The following ASCC3 variants were observed in gnomAD, a reference collection of about 807,000 sequenced individuals.
ASCC3 encodes activating signal cointegrator 1 complex subunit 3.
A neutral mutation model predicts 256.3 loss-of-function variants in ASCC3; 158 were observed. The observed-to-expected ratio is 0.62, with a 90% CI of 0.54 to 0.70. ASCC3 has a LOEUF of 0.70. Among genes scored for constraint, ASCC3 ranks in the 30% least tolerant of loss-of-function variants. ASCC3 has a pLI of 0.00. For missense variants in ASCC3, 2,259 were observed against 2,626.0 expected (o/e 0.86, Z 3.05); for synonymous variants, 948 against 883.4 (o/e 1.07, Z -1.30).
rs1330457623 is a variant in ASCC3 at position 100,627,887 on chromosome 6, T to C, written c.4476A>G (p.Ala1492=). The C allele has an allele frequency of 2.5e-6, 4 of 1,613,644 alleles. No homozygotes were observed. The highest frequency in any genetic ancestry group is 1.7e-5 in the Admixed American group (1 of 59,892). Residue 1492 remains alanine, a synonymous_variant, in exon 28 of 42, where the codon GCA becomes GCG. Transcript: ENST00000369162. ...CAGCAAGGTCTCTGGCATTAGCTAA[T>C]GCAGTAGATAGTCCAACTATTCTAA... ...KPVRIVGLST[A]LANARDLADW...
chr6:100,613,503 G>T (rs547968881), intron 30 of ASCC3, among the ~76,000 whole-genome samples: 1 of 151,994 alleles, frequency 6.6e-6, no homozygotes, highest in South Asian at 2.1e-4. Flanking sequence ...TGGCTGAATA[G>T]TATTCTATTT....
At chr6:100,749,154 G>C (rs751317240) in intron 10 of ASCC3, among the ~76,000 whole-genome samples, 1 of 151,856 alleles carries the variant, frequency 6.6e-6, no homozygotes, top group South Asian at 2.1e-4. Flanking sequence ...CCTCTTCCCC[G>C]TCAAACAGTG....
At chr6:100,661,027 G>A (rs1397269281) in intron 16 of ASCC3, among the ~76,000 whole-genome samples, 1 of 151,486 alleles carries the variant, frequency 6.6e-6, no homozygotes, top group Non-Finnish European at 1.5e-5. Flanking sequence ...CCTAATATAG[G>A]ACTTTGTACA....
intron 30 of ASCC3, among the ~76,000 whole-genome samples, chr6:100,620,196 C>T (rs1313303726): frequency 6.6e-6 from 1 of 152,126 alleles, no homozygotes; most frequent in Non-Finnish European, 1.5e-5. Flanking sequence ...CTCTTTCTAT[C>T]TTGACTTGAA....
chr6:100,580,120 C>T (rs1397603166), intron 36 of ASCC3, among the ~76,000 whole-genome samples: 1 of 151,976 alleles, frequency 6.6e-6, no homozygotes, highest in African/African-American at 2.4e-5. Flanking sequence ...TGACTTGGCT[C>T]TCAGCTTGAA....
chr6:100,542,537 C>T (rs970923018), intron 36 of ASCC3, among the ~76,000 whole-genome samples: 3 of 152,042 alleles, frequency 2.0e-5, no homozygotes, highest in African/African-American at 7.2e-5. Context: ...AATGAATTAG[C>T]TGGGCATGGT....
intron 15 of ASCC3, 32 bp from the exon 16 acceptor site, chr6:100,662,062 T>C: frequency 6.4e-7 from 1 of 1,571,132 alleles, no homozygotes; most frequent in Non-Finnish European, 8.8e-7. Context: ...AAAATTTACA[T>C]AAACACACAC....
chr6:100,666,659 A>T (rs1415411452), intron 14 of ASCC3, among the ~76,000 whole-genome samples: 1 of 152,128 alleles, frequency 6.6e-6, no homozygotes, highest in Non-Finnish European at 1.5e-5. Flanking sequence ...ACAAAAGTAT[A>T]AGGAGCGAGT....
chr6:100,608,944 T>G (rs1308429707), intron 30 of ASCC3, among the ~76,000 whole-genome samples: 1 of 148,200 alleles, frequency 6.7e-6, no homozygotes. Flanking sequence ...TTTGTATTTT[T>G]AGTAGAGACG....
intron 34 of ASCC3, among the ~76,000 whole-genome samples, chr6:100,595,768 G>A (rs571484721): frequency 6.6e-6 from 1 of 152,098 alleles, no homozygotes; most frequent in East Asian, 1.9e-4. Flanking sequence ...TATAAAATGA[G>A]GATCATAACA....
In ASCC3 at chr6:100,789,839, C is replaced by T. The variant is rs1010512475; in HGVS notation, c.1395+8874G>A. Among the ~76,000 whole-genome samples the T allele has an allele frequency of 1.1e-4, 17 of 151,892 alleles. No individual in the cohort carries two copies. The East Asian group carries it at 3.3e-3, about 29-fold the overall frequency. Reference sequence around the variant, plus strand: ...TGAGATCCCTTTATACACTGATTCCCTGGTACATTTAAAATTTACCAAAAT... The same window carrying T: ...TGAGATCCCTTTATACACTGATTCCTTGGTACATTTAAAATTTACCAAAAT... On this transcript the variant is annotated intron_variant, in intron 8 of 41. Coordinates refer to ENST00000369162, the MANE Select transcript of ASCC3 (RefSeq NM_006828.4).
In ASCC3 at chr6:100,512,853, A is replaced by C; in HGVS notation, c.6141T>G (p.Asp2047Glu). Residue 2047 changes from aspartate (D) to glutamate (E), a missense_variant, in exon 40 of 42, where the codon GAT becomes GAG. Physicochemically the swap from Asp to Glu is conservative, Grantham distance 45. This residue lies in a region of ASCC3 where 1,839 missense variants were observed against 2,206.7 expected (regional missense o/e 0.83). Transcript: ENST00000369162. ...GTTCATTATGTCCTTCAACTAAGTC[A>C]TCCCACGAGCCTTTAACACTTATGC... ...NVGISVKGSW[D>E]DLVEGHNELS... 3.7e-6 allele frequency: 6 copies of C among 1,614,142 alleles called. No individual in the cohort carries two copies. Among genetic ancestry groups the C allele is most frequent in the African/African-American group, 1.3e-5 (1 of 75,060 alleles).
chr6:100,585,449 C>G (rs1771597489), intron 36 of ASCC3, among the ~76,000 whole-genome samples: 1 of 152,174 alleles, frequency 6.6e-6, no homozygotes, highest in Non-Finnish European at 1.5e-5. Flanking sequence ...TTAAGCACTT[C>G]TCTGTATTGG....
intron 10 of ASCC3, among the ~76,000 whole-genome samples, chr6:100,736,644 T>C (rs1780183458): frequency 6.6e-6 from 1 of 152,198 alleles, no homozygotes; most frequent in Admixed American, 6.5e-5. Context: ...GCACATTTAC[T>C]ACATCTTGCA....
In ASCC3 at chr6:100,625,219, C is replaced by A; in HGVS notation, c.4758G>T (p.Lys1586Asn). 6.2e-7 allele frequency: 1 copy of A among 1,612,854 alleles called. No homozygotes were observed. Among genetic ancestry groups the A allele is most frequent in the South Asian group, 1.1e-5 (1 of 91,054 alleles). Residue 1586 changes from lysine (K) to asparagine (N), a missense_variant, in exon 30 of 42, where the codon AAG becomes AAT. Around this residue, in one of 2 missense-constraint regions of ASCC3, gnomAD observed 1,839 missense variants for 2,206.7 expected, o/e 0.83. Coordinates refer to ENST00000369162, the MANE Select transcript of ASCC3 (RefSeq NM_006828.4). Reference sequence around the variant, plus strand: ...CTCTTTCATCCATGTTTAACCACTGCTTTGGATCTTCTTCAGTAGCCAGGA... The same window carrying A: ...CTCTTTCATCCATGTTTAACCACTGATTTGGATCTTCTTCAGTAGCCAGGA... The part of the protein sequence containing the change: ...IAFLATEEDP[K>N]QWLNMDEREM...
intron 40 of ASCC3, among the ~76,000 whole-genome samples, chr6:100,511,988 T>C (rs145999835): frequency 6.6e-6 from 1 of 152,352 alleles, no homozygotes; most frequent in East Asian, 1.9e-4. Context: ...TTCTTTCTTA[T>C]TTTAATTATT....
intron 10 of ASCC3, among the ~76,000 whole-genome samples, chr6:100,746,421 TG>T (rs545281030): frequency 3.9e-4 from 60 of 152,236 alleles, no homozygotes; most frequent in African/African-American, 1.2e-3. Flanking sequence ...GAAAACAAAA[TG>T]AAAAGTGTTT....
At chr6:100,634,870 A>AAAC (rs1774756091) in intron 25 of ASCC3, among the ~76,000 whole-genome samples, 1 of 65,606 alleles carries the variant, frequency 1.5e-5, no homozygotes, top group Non-Finnish European at 5.2e-5. Context: ...AAAACAAAAA[A>AAAC]AAAAAAAAAA....
At chr6:100,775,464 G>A (rs774104870) in intron 8 of ASCC3, among the ~76,000 whole-genome samples, 3 of 151,930 alleles carry the variant, frequency 2.0e-5, no homozygotes, top group African/African-American at 7.2e-5. Context: ...AATTGTGGCC[G>A]AGACGGGACC....
Sources: gnomAD v4.1 joint callset for allele counts (sites outside exome capture counted in the v4.1 genomes callset) on GRCh38, gnomAD v4.1.1 for gene constraint, gnomAD v4.1.1 regional missense constraint, MANE v1.5 for transcripts, NCBI Gene and HGNC (gene_info 2026-07-23, HGNC 2026-07-21) for gene names.